The following B3GAT1 variants were observed in gnomAD, a reference collection of about 807,000 sequenced individuals.
B3GAT1 encodes beta-1,3-glucuronyltransferase 1, also known as galactosylgalactosylxylosylprotein 3-beta-glucuronosyltransferase 1.
Under a neutral mutation model 28.4 loss-of-function variants are expected in B3GAT1, and 11 were observed. The ratio of observed to expected loss-of-function variants is 0.39; its 90% CI spans 0.24 to 0.64. B3GAT1 has a LOEUF of 0.64. B3GAT1 is among the 30% of genes least tolerant of loss of function. The pLI, the probability that B3GAT1 is intolerant of heterozygous loss-of-function variation, is 0.50. For synonymous variants in B3GAT1, 255 were observed against 223.1 expected (o/e 1.14, Z -1.27); for missense variants, 375 against 491.0 (o/e 0.76, Z 2.23).
rs1944875033 is a variant in B3GAT1, at chr11:134,412,149, A to AGGGGCGAGG, written c.-633_-625dup. 1.8e-5 allele frequency among the ~76,000 whole-genome samples: 1 copy of AGGGGCGAGG among 55,310 alleles called. No individual in the cohort carries two copies. The highest frequency in any genetic ancestry group is 6.5e-4 in the South Asian group (1 of 1,532). 36.3% of individuals were successfully genotyped at this position (55,310 alleles called of 152,430 possible). A position where few individuals can be genotyped will look rare whatever the true frequency, so the allele number is the denominator to read the frequency against. On this transcript the variant is annotated 5_prime_UTR_variant, in exon 1 of 6. Coordinates refer to ENST00000312527, the MANE Select transcript of B3GAT1 (RefSeq NM_054025.3). Reference sequence around the variant, plus strand: ...AGCGGGGAGCGGGCGCGGGGGCGAGAGGGGCGAGGGGGGCGCGCGGCCGGA... The same window carrying AGGGGCGAGG: ...AGCGGGGAGCGGGCGCGGGGGCGAGAGGGGCGAGGGGGGCGAGGGGGGCGCGCGGCCGGA...
chr11:134,394,398 A>G (rs1944466744), intron 1 of B3GAT1, among the ~76,000 whole-genome samples: 1 of 152,160 alleles, frequency 6.6e-6, no homozygotes, highest in Non-Finnish European at 1.5e-5. Flanking sequence ...AGCTGCTCAA[A>G]CTCGGGCCTT....
At chr11:134,392,560 C>T (rs1195191787) in intron 1 of B3GAT1, among the ~76,000 whole-genome samples, 1 of 152,142 alleles carries the variant, frequency 6.6e-6, no homozygotes, top group Non-Finnish European at 1.5e-5. Context: ...TTTGTAGAGA[C>T]AGGGTGTCAC....
At position 134,384,176 on chromosome 11, in the gene B3GAT1, T is replaced by C; in HGVS notation, c.125A>G (p.Asp42Gly). The change falls in exon 3 of 6, where the codon GAC (aspartate) becomes GGC (glycine). Residue 42 changes from aspartate to glycine, a missense_variant. Asp to Gly is a moderately conservative substitution (Grantham distance 94, BLOSUM62 -1). Transcript: ENST00000312527. Reference sequence around the variant, plus strand: ...GCCGGGCGGCGTTTCGCGTCGGGGGTCACTGCCCTCATCTGCGGAGTCGGG... The same window carrying C: ...GCCGGGCGGCGTTTCGCGTCGGGGGCCACTGCCCTCATCTGCGGAGTCGGG... ...LLAVHKDEGS[D>G]PRRETPPGAD... The C allele has an allele frequency of 6.5e-7, 1 of 1,542,752 alleles. No homozygotes were observed. Among genetic ancestry groups the C allele is most frequent in the Non-Finnish European group, 8.7e-7 (1 of 1,145,188 alleles).
In B3GAT1 at chr11:134,380,481, CTGG is replaced by C. The variant is rs1944099294; in HGVS notation, c.*278_*280del. The C allele has an allele frequency of 5.2e-5, 8 of 152,614 alleles. No individual in the cohort carries two copies. Among genetic ancestry groups the C allele is most frequent in the African/African-American group, 1.9e-4 (8 of 41,468 alleles). 9.5% of individuals were successfully genotyped at this position (152,614 alleles called of 1,614,324 possible). A position where few individuals can be genotyped will look rare whatever the true frequency, so the allele number is the denominator to read the frequency against. The stretch of plus-strand genomic sequence containing the variant: ...GTGCGGGGAGCTCTGGGGAGGTGCG[CTGG>C]AGCACCAGCTTGGCTGGTGCTGGAC... On this transcript the variant is annotated 3_prime_UTR_variant, in exon 6 of 6. Coordinates refer to ENST00000312527, the MANE Select transcript of B3GAT1 (RefSeq NM_054025.3).
intron 4 of B3GAT1, among the ~76,000 whole-genome samples, chr11:134,382,409 AT>A: frequency 6.6e-6 from 1 of 152,094 alleles, no homozygotes; most frequent in South Asian, 2.1e-4. Flanking sequence ...GTGCATCTGC[AT>A]GTGTGTGTGC....
At chr11:134,405,317 C>T (rs763097615) in intron 1 of B3GAT1, among the ~76,000 whole-genome samples, 14 of 152,288 alleles carry the variant, frequency 9.2e-5, no homozygotes, top group Admixed American at 1.3e-4. Context: ...GCTTCAGGTC[C>T]GGGCTAGGTA....
rs995251964 is a variant in B3GAT1 at position 134,387,465 on chromosome 11, C to G, written c.112+83G>C. The G allele has an allele frequency of 1.3e-5, 20 of 1,559,096 alleles. No individual in the cohort carries two copies. In the South Asian group the frequency reaches 2.3e-4, roughly 18 times the overall value. On this transcript the variant is annotated intron_variant, in intron 2 of 5. Coordinates refer to ENST00000312527, the MANE Select transcript of B3GAT1 (RefSeq NM_054025.3). ...GTTCCTCCTAGCTGCTAAGTGAGTG[C>G]AAGCAAGAACCCTGCGTGTCAGCTG...
At chr11:134,388,036 G>T (rs530773572) in intron 1 of B3GAT1, 96 bp from the exon 2 acceptor site, 1 of 446,774 alleles carries the variant, frequency 2.2e-6, no homozygotes, top group Non-Finnish European at 4.3e-6. Flanking sequence ...AGCATCGGGG[G>T]TTCCACAATG....
In B3GAT1 at chr11:134,393,061, C is replaced by T. The variant is rs375292879; in HGVS notation, c.-281-5121G>A. Among the ~76,000 whole-genome samples, 13 of 152,090 alleles carry T rather than the reference C, an allele frequency of 8.5e-5. No homozygotes were observed. The highest frequency in any genetic ancestry group is 8.3e-4 in the South Asian group (4 of 4,826). ...CGCTCCAGTGCAGGTGACGTGTGAA[C>T]GCAAAATGTTCCCAAAGGCCTGCAT... On this transcript the variant is annotated intron_variant, in intron 1 of 5. Transcript: ENST00000312527. The surrounding 1 kb of genome is among the most constrained non-coding windows in gnomAD (Gnocchi z 4.0).
Position 134,387,613 on chromosome 11 carries a change from G to T in B3GAT1, c.47C>A (p.Pro16His), listed in dbSNP as rs1944318951. The T allele has an allele frequency of 6.2e-7, 1 of 1,614,202 alleles. No homozygotes were observed. Among genetic ancestry groups the T allele is most frequent in the Non-Finnish European group, 8.5e-7 (1 of 1,180,050 alleles). The change falls in exon 2 of 6, where the codon CCC becomes CAC. Residue 16 changes from proline to histidine, a missense_variant. Coordinates refer to ENST00000312527, the MANE Select transcript of B3GAT1 (RefSeq NM_054025.3). ...DILAIVLIVL[P>H]WTLLITVWHQ... The stretch of plus-strand genomic sequence containing the variant: ...CCAGACAGTGATGAGCAGAGTCCAG[G>T]GCAGCACGATGAGGACGATCGCTAG...
In B3GAT1 at chr11:134,384,175, GTCACTGCCC is replaced by G. The variant is rs1944217865; in HGVS notation, c.117_125del (p.Glu39_Ser41del). ...CGCCGGGCGGCGTTTCGCGTCGGGG[GTCACTGCCC>G]TCATCTGCGGAGTCGGGAGACCGGC... On this transcript the variant is annotated inframe_deletion, in exon 3 of 6. Transcript: ENST00000312527. 1 of 1,543,852 alleles carries G rather than the reference GTCACTGCCC, an allele frequency of 6.5e-7. No individual in the cohort carries two copies. The highest frequency in any genetic ancestry group is 1.2e-5 in the South Asian group (1 of 82,268).
chr11:134,405,278 AC>A (rs1204220806), intron 1 of B3GAT1, among the ~76,000 whole-genome samples: 3 of 151,836 alleles, frequency 2.0e-5, no homozygotes, highest in African/African-American at 7.3e-5. Flanking sequence ...CCCCAAGGGG[AC>A]CCCCCATCAG....
At chr11:134,402,549 C>G (rs1007522570) in intron 1 of B3GAT1, among the ~76,000 whole-genome samples, 1 of 152,156 alleles carries the variant, frequency 6.6e-6, no homozygotes, top group African/African-American at 2.4e-5. Context: ...ACCTGCCCTG[C>G]CCCTAAGGTC....
At chr11:134,398,294 T>C (rs868832253) in intron 1 of B3GAT1, among the ~76,000 whole-genome samples, 3 of 152,152 alleles carry the variant, frequency 2.0e-5, no homozygotes, top group Non-Finnish European at 2.9e-5. Flanking sequence ...AAATCCACAA[T>C]TGGGTCCCTG....
At chr11:134,396,234 G>T (rs958428115) in intron 1 of B3GAT1, among the ~76,000 whole-genome samples, 5 of 152,178 alleles carry the variant, frequency 3.3e-5, no homozygotes, top group African/African-American at 1.2e-4. Context: ...ACGAAGGCAT[G>T]AGCACCGGGG....
intron 2 of B3GAT1, chr11:134,384,571 G>GC: frequency 4.5e-6 from 1 of 224,384 alleles, no homozygotes; most frequent in Admixed American, 5.2e-5. Flanking sequence ...ACACTGCCCT[G>GC]TGCAGGGCTG....
At chr11:134,386,869 G>C (rs529942959) in intron 2 of B3GAT1, 78 of 152,334 alleles carry the variant, frequency 5.1e-4, no homozygotes, top group African/African-American at 1.8e-3. Context: ...TTGCAGATAT[G>C]GGGAGGGACT....
chr11:134,383,050 G>C, intron 3 of B3GAT1, 44 bp from the exon 4 acceptor site: 5 of 1,492,400 alleles, frequency 3.4e-6, no homozygotes, highest in African/African-American at 1.4e-5. Flanking sequence ...CACTGCAGAT[G>C]AGGACGGCCG....
intron 2 of B3GAT1, 90 bp from the exon 3 acceptor site, chr11:134,384,278 CCCT>C: frequency 1.4e-6 from 2 of 1,419,852 alleles, no homozygotes; most frequent in Non-Finnish European, 9.2e-7. Flanking sequence ...TGCCAGGGCA[CCCT>C]CCTCCTCCCC....
Sources: allele counts gnomAD v4.1 joint callset (sites outside exome capture counted in the v4.1 genomes callset), GRCh38; gene constraint gnomAD v4.1.1; non-coding constraint Gnocchi (gnomAD v3.1); transcripts MANE v1.5; gene names NCBI Gene and HGNC (gene_info 2026-07-23, HGNC 2026-07-21).